PCDHA3: variants seen among roughly 807,000 people sequenced by gnomAD.
PCDHA3 encodes protocadherin alpha-3.
Under a neutral mutation model 62.2 loss-of-function variants are expected in PCDHA3, and 41 were observed. The observed-to-expected ratio is 0.66, with a 90% CI of 0.51 to 0.86. The LOEUF (loss-of-function observed/expected upper bound fraction) is 0.86, where lower values mean the gene tolerates loss of function less well. Among genes scored for constraint, PCDHA3 ranks in the 40% least tolerant of loss-of-function variants. PCDHA3 has a pLI of 0.00. For synonymous variants in PCDHA3, 640 were observed against 555.4 expected (o/e 1.15, Z -2.14); for missense variants, 1,304 against 1,241.2 (o/e 1.05, Z -0.76).
chr5:140,944,191 G>C (rs181232402), intron 1 of PCDHA3, among the ~76,000 whole-genome samples: 1 of 151,980 alleles, frequency 6.6e-6, no homozygotes, highest in East Asian at 1.9e-4. Context: ...GGTTTGTTTT[G>C]TTTTGTTTTG....
chr5:140,932,500 T>C (rs2088368568), intron 1 of PCDHA3, among the ~76,000 whole-genome samples: 3 of 151,914 alleles, frequency 2.0e-5, no homozygotes, highest in Non-Finnish European at 4.4e-5. Context: ...ATGTCATTTG[T>C]TAACAGTAGT....
At chr5:140,835,918 C>T (rs1554135453) in intron 1 of PCDHA3, 3 of 1,612,332 alleles carry the variant, frequency 1.9e-6, no homozygotes, top group Non-Finnish European at 2.5e-6. Flanking sequence ...TCAGTGCACG[C>T]GGAGAGCGGC....
intron 1 of PCDHA3, chr5:140,863,238 T>G (rs1367184463): frequency 9.1e-6 from 12 of 1,318,616 alleles, no homozygotes; most frequent in Non-Finnish European, 1.3e-5. Context: ...CATCGCGGGC[T>G]TTGGCGGGCG....
At chr5:140,886,599 G>A (rs1370842751) in intron 1 of PCDHA3, among the ~76,000 whole-genome samples, 1 of 151,940 alleles carries the variant, frequency 6.6e-6, no homozygotes, top group African/African-American at 2.4e-5. Flanking sequence ...AGGCCAAGGT[G>A]GGCGGATCAG....
chr5:140,988,623 T>C (rs147544785), intron 3 of PCDHA3, among the ~76,000 whole-genome samples: 188 of 152,312 alleles, frequency 1.2e-3, no homozygotes, highest in African/African-American at 3.6e-3. Context: ...AGAATGGAGA[T>C]GTCCTGGTTT....
intron 1 of PCDHA3, chr5:140,883,984 C>G: frequency 6.2e-7 from 1 of 1,612,820 alleles, no homozygotes; most frequent in East Asian, 2.2e-5. Flanking sequence ...GGGCTGGCAG[C>G]GCGGGAGGCA....
In PCDHA3 at chr5:140,927,075, C is replaced by T. The variant is rs1304732952; in HGVS notation, c.2395-51874C>T. On this transcript the variant is annotated intron_variant, in intron 1 of 3. Transcript: ENST00000522353. ...GGAACTTTCGCTTCCTTTCCAGCCA[C>T]CGCGAGCTCTACTTCGGGGTGGATC... 2.5e-6 allele frequency: 4 copies of T among 1,611,188 alleles called. No homozygotes were observed. In the Admixed American group the frequency reaches 5.0e-5, roughly 20 times the overall value.
chr5:140,848,630 G>A (rs143400939), intron 1 of PCDHA3: 3 of 1,593,262 alleles, frequency 1.9e-6, no homozygotes, highest in African/African-American at 2.7e-5. Context: ...GCACCTTCGT[G>A]GGCCGCATCG....
At chr5:140,875,241 A>G (rs1176870557) in intron 1 of PCDHA3, 27 of 935,126 alleles carry the variant, frequency 2.9e-5, no homozygotes, top group Non-Finnish European at 3.8e-5. Context: ...TTGTACTTAC[A>G]TAATCAGTCA....
chr5:140,856,424 AACG>A, intron 1 of PCDHA3: 1 of 1,598,418 alleles, frequency 6.3e-7, no homozygotes, highest in Non-Finnish European at 8.6e-7. Context: ...GAAGGACATT[AACG>A]ACAACCCGCC....
chr5:141,004,883 A>T (rs1273215928), intron 3 of PCDHA3, among the ~76,000 whole-genome samples: 4 of 152,132 alleles, frequency 2.6e-5, no homozygotes, highest in Admixed American at 2.0e-4. Flanking sequence ...CTAAAGTGCT[A>T]TTGTGTCAGC....
intron 1 of PCDHA3, chr5:140,875,943 T>C (rs371245562): frequency 1.9e-6 from 3 of 1,614,072 alleles, no homozygotes; most frequent in African/African-American, 2.7e-5. Flanking sequence ...TAGAGGGCGC[T>C]TCTGATGCGG....
At chr5:140,929,421 A>G (rs2086144210) in intron 1 of PCDHA3, 2 of 1,502,092 alleles carry the variant, frequency 1.3e-6, no homozygotes, top group Non-Finnish European at 1.8e-6. Flanking sequence ...ACAACATTTC[A>G]TCAATTGAAC....
intron 1 of PCDHA3, chr5:140,830,564 T>A: frequency 1.0e-6 from 1 of 986,290 alleles, no homozygotes; most frequent in South Asian, 3.1e-5. Flanking sequence ...CTTCTATATT[T>A]CTGTTTTTAA....
intron 1 of PCDHA3, chr5:140,849,896 C>G: frequency 6.3e-7 from 1 of 1,598,590 alleles, no homozygotes; most frequent in Non-Finnish European, 8.6e-7. Flanking sequence ...TGAAGGAGAA[C>G]AACCCGCCGG....
At chr5:140,958,078 G>A (rs1447110228) in intron 1 of PCDHA3, among the ~76,000 whole-genome samples, 1 of 152,064 alleles carries the variant, frequency 6.6e-6, no homozygotes, top group Admixed American at 6.6e-5. Flanking sequence ...GAAGCAAAAA[G>A]TAAAGTTGTA....
At chr5:140,829,746 A>G (rs1255016400) in intron 1 of PCDHA3, 1 of 1,613,582 alleles carries the variant, frequency 6.2e-7, no homozygotes, top group Non-Finnish European at 8.5e-7. Flanking sequence ...GTGACGCTGC[A>G]GGTGTTCGTG....
chr5:140,921,367 T>A (rs1165325497), intron 1 of PCDHA3, among the ~76,000 whole-genome samples: 1 of 152,182 alleles, frequency 6.6e-6, no homozygotes, highest in Non-Finnish European at 1.5e-5. Context: ...TCAAGTTTCA[T>A]ATTTCTACAT....
rs2150502964 is a variant in PCDHA3 at position 140,850,934 on chromosome 5, T to C, written c.2394+47343T>C. On this transcript the variant is annotated intron_variant, in intron 1 of 3. Transcript: ENST00000522353. ...TATTTATTTATATAATTTTTTTTCTTGAAAGATATTATCGATTACTCCCAG... is the reference window on the plus strand; with the variant it reads ...TATTTATTTATATAATTTTTTTTCTCGAAAGATATTATCGATTACTCCCAG... 3.0e-5 allele frequency: 45 copies of C among 1,514,272 alleles called. 2 individuals are homozygous for C. The South Asian group carries it at 5.0e-4, about 17-fold the overall frequency. The allele number at this position is 1,514,272 out of a possible 1,614,324, so 93.8% of individuals were successfully genotyped here.
Sources: gnomAD v4.1 joint callset for allele counts (sites outside exome capture counted in the v4.1 genomes callset) on GRCh38, gnomAD v4.1.1 for gene constraint, MANE v1.5 for transcripts, NCBI Gene and HGNC (gene_info 2026-07-23, HGNC 2026-07-21) for gene names.